The following TSPAN9 variants were observed in gnomAD, a reference collection of about 807,000 sequenced individuals.
TSPAN9 encodes tetraspanin-9.
A neutral mutation model predicts 31.0 loss-of-function variants in TSPAN9; 16 were observed. That is an observed-to-expected ratio of 0.52 (90% confidence interval 0.35 to 0.78). TSPAN9 has a LOEUF of 0.78. Ranked by LOEUF, TSPAN9 falls within the 30% of genes least tolerant of loss-of-function variation. TSPAN9 has a pLI of 0.01. For missense variants in TSPAN9, 272 were observed against 312.5 expected (o/e 0.87, Z 0.98); for synonymous variants, 145 against 121.6 (o/e 1.19, Z -1.27).
chr12:3,218,786 G>A (rs1048941270), intron 3 of TSPAN9, among the ~76,000 whole-genome samples: 8 of 152,168 alleles, frequency 5.3e-5, no homozygotes, highest in Admixed American at 2.6e-4. Flanking sequence ...TCTTAGCCCC[G>A]CTGGCTCTCC....
rs577674243 is a variant in TSPAN9, at chr12:3,243,332, C to G, written c.64-35089C>G. The stretch of plus-strand genomic sequence containing the variant: ...GGCACGGAGCTGGGTGCTTTACCAC[C>G]TCATTGAATTCCTGCCGCAGCCCCA... On this transcript the variant is annotated intron_variant, in intron 3 of 8. Coordinates refer to ENST00000011898, the MANE Select transcript of TSPAN9 (RefSeq NM_006675.5). Among the ~76,000 whole-genome samples the G allele has an allele frequency of 1.9e-4, 29 of 152,018 alleles. No individual in the cohort carries two copies. In the South Asian group the frequency reaches 6.0e-3, roughly 32 times the overall value.
Position 3,280,154 on chromosome 12 carries a change from G to A in TSPAN9, c.331-228G>A, listed in dbSNP as rs898062273. 6.6e-6 allele frequency among the ~76,000 whole-genome samples: 1 copy of A among 152,098 alleles called. No individual in the cohort carries two copies. On this transcript the variant is annotated intron_variant, in intron 5 of 8. Transcript: ENST00000011898. The surrounding 1 kb of genome is among the most constrained non-coding windows in gnomAD (Gnocchi z 4.5). Reference sequence around the variant, plus strand: ...TTAGCTCTGCCGGGAGGCGGTGGGTGCACCAGGGCCTGCTGTATTCTGAAA... The same window carrying A: ...TTAGCTCTGCCGGGAGGCGGTGGGTACACCAGGGCCTGCTGTATTCTGAAA...
At chr12:3,242,656 G>A (rs995664076) in intron 3 of TSPAN9, among the ~76,000 whole-genome samples, 5 of 152,228 alleles carry the variant, frequency 3.3e-5, no homozygotes, top group African/African-American at 1.2e-4. Flanking sequence ...GGACAAGCAA[G>A]GGGCTCCAGC....
intron 3 of TSPAN9, among the ~76,000 whole-genome samples, chr12:3,241,979 A>C (rs1301002121): frequency 6.6e-6 from 1 of 152,232 alleles, no homozygotes; most frequent in Non-Finnish European, 1.5e-5. Flanking sequence ...GAAGTCCACT[A>C]GTTCTCCCAA....
intron 3 of TSPAN9, among the ~76,000 whole-genome samples, chr12:3,269,161 C>G (rs1467634376): frequency 1.2e-5 from 1 of 81,180 alleles, no homozygotes; most frequent in Admixed American, 1.4e-4. Flanking sequence ...GCCCTCTGTG[C>G]GTTCCTGCAG....
Position 3,147,895 on chromosome 12 carries a change from T to C in TSPAN9, c.-17-53282T>C, listed in dbSNP as rs1290850308. On this transcript the variant is annotated intron_variant, in intron 2 of 8. Transcript: ENST00000011898. The surrounding 1 kb of genome is among the most constrained non-coding windows in gnomAD (Gnocchi z 4.3). ...CTAAGCTGTGTGAGTGGTGTACACA[T>C]ATGTGGAGTCGGGTGGGTCGGGGGG... Among the ~76,000 whole-genome samples, 1 of 151,990 alleles carries C rather than the reference T, an allele frequency of 6.6e-6. No individual in the cohort carries two copies. Among genetic ancestry groups the C allele is most frequent in the African/African-American group, 2.4e-5 (1 of 41,360 alleles).
intron 2 of TSPAN9, among the ~76,000 whole-genome samples, chr12:3,125,504 A>T (rs903578135): frequency 4.6e-5 from 7 of 152,182 alleles, no homozygotes; most frequent in African/African-American, 9.7e-5. Context: ...AATTATTTTT[A>T]AAAAATAGGT....
At chr12:3,167,394 G>T (rs1402997022) in intron 2 of TSPAN9, among the ~76,000 whole-genome samples, 20 of 152,204 alleles carry the variant, frequency 1.3e-4, no homozygotes. Flanking sequence ...ACATTTTAGG[G>T]ATGATAGGTA....
At chr12:3,272,711 T>G (rs544738772) in intron 3 of TSPAN9, among the ~76,000 whole-genome samples, 1 of 152,054 alleles carries the variant, frequency 6.6e-6, no homozygotes, top group African/African-American at 2.4e-5. Flanking sequence ...CCATGAGATA[T>G]GGGCAGTGGC....
At chr12:3,106,046 C>T (rs2098314487) in intron 2 of TSPAN9, among the ~76,000 whole-genome samples, 1 of 151,416 alleles carries the variant, frequency 6.6e-6, no homozygotes, top group Admixed American at 6.6e-5. Flanking sequence ...CCATCCTCAC[C>T]CCATGTGCAC....
intron 2 of TSPAN9, among the ~76,000 whole-genome samples, chr12:3,144,145 G>C (rs1391660559): frequency 6.6e-6 from 1 of 151,968 alleles, no homozygotes; most frequent in Non-Finnish European, 1.5e-5. Context: ...CTGTCACCCA[G>C]GCTGGAGTGC....
intron 2 of TSPAN9, among the ~76,000 whole-genome samples, chr12:3,151,918 A>C (rs904477874): frequency 6.8e-6 from 1 of 147,526 alleles, no homozygotes; most frequent in Non-Finnish European, 1.5e-5. Flanking sequence ...GTGAGACTCC[A>C]CCTCAAAAAA....
rs1555141854 is a variant in TSPAN9, at chr12:3,109,307, A to AGT, written c.-18+25607_-18+25608dup. On this transcript the variant is annotated intron_variant, in intron 2 of 8. Coordinates refer to ENST00000011898, the MANE Select transcript of TSPAN9 (RefSeq NM_006675.5). ...GTGTGTGTGTGTGTGTGTGAGAGAG[A>AGT]GTGTGTGTGTGTGTGTGTGTTTGTG... 4.4e-3 allele frequency among the ~76,000 whole-genome samples: 625 copies of AGT among 143,298 alleles called. 10 individuals are homozygous for AGT. The highest frequency in any genetic ancestry group is 0.016 in the African/African-American group (577 of 36,130). The allele number at this position is 143,298 out of a possible 152,430, so 94.0% of individuals were successfully genotyped here.
At chr12:3,253,336 T>A (rs1036143968) in intron 3 of TSPAN9, among the ~76,000 whole-genome samples, 1 of 152,218 alleles carries the variant, frequency 6.6e-6, no homozygotes, top group Non-Finnish European at 1.5e-5. Flanking sequence ...TCATGAAGGA[T>A]GCAGTGGAGC....
chr12:3,196,139 T>G (rs1283489390), intron 2 of TSPAN9, among the ~76,000 whole-genome samples: 1 of 152,148 alleles, frequency 6.6e-6, no homozygotes, highest in Non-Finnish European at 1.5e-5. Flanking sequence ...GGTGTGCTCA[T>G]GGTGAGAGAG....
chr12:3,202,802 G>T (rs2098372711), intron 3 of TSPAN9, among the ~76,000 whole-genome samples: 2 of 152,194 alleles, frequency 1.3e-5, no homozygotes, highest in African/African-American at 4.8e-5. Flanking sequence ...CTAGTAGGAA[G>T]TTACCTGTCA....
chr12:3,281,886 A>G, intron 8 of TSPAN9, 69 bp downstream of exon 8: 1 of 1,540,078 alleles, frequency 6.5e-7, no homozygotes, highest in South Asian at 1.1e-5. Context: ...GGAAGCACAG[A>G]GAAGTGAAAG....
chr12:3,280,417 C>A lies in TSPAN9; in HGVS notation c.366C>A (p.Gly122=). 1.2e-6 allele frequency: 2 copies of A among 1,613,414 alleles called. No homozygotes were observed. Among genetic ancestry groups the A allele is most frequent in the Non-Finnish European group, 1.7e-6 (2 of 1,179,996 alleles). Residue 122 remains glycine (G), a synonymous_variant, in exon 6 of 9, where the codon GGC becomes GGA. Coordinates refer to ENST00000011898, the MANE Select transcript of TSPAN9 (RefSeq NM_006675.5). The surrounding 1 kb of genome is among the most constrained non-coding windows in gnomAD (Gnocchi z 4.5). Reference sequence around the variant, plus strand: ...ACGCCAAGAAGGACCTGAAGGAAGGCCTGCTGCTGTACCACACCGAGAACA... The same window carrying A: ...ACGCCAAGAAGGACCTGAAGGAAGGACTGCTGCTGTACCACACCGAGAACA... ...NENAKKDLKE[G]LLLYHTENNV...
rs530160004 is a variant in TSPAN9 at position 3,107,171 on chromosome 12, G to A, written c.-18+23452G>A. ...GAAATCCAATTAGACTTGAGCCGCC[G>A]GCGGCCCCCTCCGTGGGGAGTGGGG... On this transcript the variant is annotated intron_variant, in intron 2 of 8. Transcript: ENST00000011898. This position sits in a 1 kb window ranked among gnomAD's most constrained non-coding sequence, Gnocchi z 4.1. Among the ~76,000 whole-genome samples the A allele has an allele frequency of 2.0e-5, 3 of 152,294 alleles. No individual in the cohort carries two copies. Among genetic ancestry groups the A allele is most frequent in the East Asian group, 1.9e-4 (1 of 5,176 alleles).
Sources: allele counts gnomAD v4.1 joint callset (sites outside exome capture counted in the v4.1 genomes callset), GRCh38; gene constraint gnomAD v4.1.1; non-coding constraint Gnocchi (gnomAD v3.1); transcripts MANE v1.5; gene names NCBI Gene and HGNC (gene_info 2026-07-23, HGNC 2026-07-21).